PCOLCE: variants seen among roughly 807,000 people sequenced by gnomAD.
PCOLCE encodes the protein procollagen C-endopeptidase enhancer.
A neutral mutation model predicts 47.2 loss-of-function variants in PCOLCE; 33 were observed. The ratio of observed to expected loss-of-function variants is 0.70; its 90% CI spans 0.53 to 0.93. PCOLCE has a LOEUF of 0.93. PCOLCE is among the 40% of genes least tolerant of loss of function. The probability of loss-of-function intolerance (pLI) is 0.00; values close to 1 mark genes in which losing one functional copy is unlikely to be tolerated. For synonymous variants in PCOLCE, 254 were observed against 252.5 expected (o/e 1.01, Z -0.06); for missense variants, 584 against 585.3 (o/e 1.00, Z 0.02).
chr7:100,606,108 C>G (rs1802711888), intron 5 of PCOLCE: 1 of 531,958 alleles, frequency 1.9e-6, no homozygotes, highest in African/African-American at 1.9e-5. Context: ...GCGGGAGGAT[C>G]ACCTGAGCTT....
In PCOLCE at chr7:100,602,399, C is replaced by G; in HGVS notation, c.-58C>G. The G allele has an allele frequency of 8.7e-7, 1 of 1,153,724 alleles. No individual in the cohort carries two copies. Among genetic ancestry groups the G allele is most frequent in the Non-Finnish European group, 1.3e-6 (1 of 765,938 alleles). 71.5% of individuals were successfully genotyped at this position (1,153,724 alleles called of 1,614,324 possible). A position where few individuals can be genotyped will look rare whatever the true frequency, so the allele number is the denominator to read the frequency against. On this transcript the variant is annotated 5_prime_UTR_variant, in exon 1 of 9. Transcript: ENST00000223061. Reference sequence around the variant, plus strand: ...TGCTGCCGCCACCGCTGCTGCTGCTCTGCAAAATTCAGCTGCTGCCTCTGT... The same window carrying G: ...TGCTGCCGCCACCGCTGCTGCTGCTGTGCAAAATTCAGCTGCTGCCTCTGT...
chr7:100,603,169 G>A, intron 1 of PCOLCE: 1 of 383,924 alleles, frequency 2.6e-6, no homozygotes, highest in Non-Finnish European at 4.6e-6. Context: ...GGGAATTCCT[G>A]TTGGGGTGGG....
At position 100,605,953 on chromosome 7, in the gene PCOLCE, C is replaced by A; in HGVS notation, c.725+141C>A. ...CCGGCGAGGGGAGCAGGTTGGAGGCCAGGCAAAGAGGAGATTTGGCCCCGG... is the reference window on the plus strand; with the variant it reads ...CCGGCGAGGGGAGCAGGTTGGAGGCAAGGCAAAGAGGAGATTTGGCCCCGG... On this transcript the variant is annotated intron_variant, in intron 5 of 8. Transcript: ENST00000223061. The surrounding 1 kb of genome is among the most constrained non-coding windows in gnomAD (Gnocchi z 6.1). 1.0e-6 allele frequency: 1 copy of A among 982,202 alleles called. No homozygotes were observed. Among genetic ancestry groups the A allele is most frequent in the Non-Finnish European group, 1.5e-6 (1 of 680,774 alleles). 60.8% of individuals were successfully genotyped at this position (982,202 alleles called of 1,614,324 possible).
At position 100,605,886 on chromosome 7, in the gene PCOLCE, G is replaced by T; in HGVS notation, c.725+74G>T. On this transcript the variant is annotated intron_variant, in intron 5 of 8. Transcript: ENST00000223061. This position sits in a 1 kb window ranked among gnomAD's most constrained non-coding sequence, Gnocchi z 6.1. ...CGCACGCGGCTGTTTGGAGGGGCGG[G>T]GTTCAGCTAAAGGGACGGGATCTGA... The T allele has an allele frequency of 1.4e-6, 2 of 1,481,084 alleles. No individual in the cohort carries two copies. Among genetic ancestry groups the T allele is most frequent in the Non-Finnish European group, 1.8e-6 (2 of 1,093,678 alleles). 91.7% of individuals were successfully genotyped at this position (1,481,084 alleles called of 1,614,324 possible). A position where few individuals can be genotyped will look rare whatever the true frequency, so the allele number is the denominator to read the frequency against.
Position 100,602,412 on chromosome 7 carries a change from C to T in PCOLCE, c.-45C>T. 7.8e-7 allele frequency: 1 copy of T among 1,283,440 alleles called. No individual in the cohort carries two copies. Among genetic ancestry groups the T allele is most frequent in the Non-Finnish European group, 1.1e-6 (1 of 883,516 alleles). 79.5% of individuals were successfully genotyped at this position (1,283,440 alleles called of 1,614,324 possible). On this transcript the variant is annotated 5_prime_UTR_variant, in exon 1 of 9. Transcript: ENST00000223061. ...GCTGCTGCTGCTCTGCAAAATTCAG[C>T]TGCTGCCTCTGTCTTGAGGACCCCA...
chr7:100,607,388 G>T (rs1802735646), intron 6 of PCOLCE, 64 bp from the exon 7 acceptor site: 2 of 1,310,964 alleles, frequency 1.5e-6, no homozygotes, highest in Non-Finnish European at 2.2e-6. Flanking sequence ...CAATGAGGCT[G>T]TTATGGGGAC....
At position 100,603,499 on chromosome 7, in the gene PCOLCE, C is replaced by A. The variant is rs1419954339; in HGVS notation, c.165C>A (p.Asn55Lys). The part of the protein sequence containing the change: ...SGYVASEGFP[N>K]LYPPNKECIW... ...ACGTGGCAAGTGAGGGGTTCCCCAA[C>A]CTCTACCCCCCTAATAAGGAGTGCA... The change falls in exon 2 of 9, where the codon AAC (asparagine) becomes AAA (lysine). Residue 55 changes from asparagine to lysine, a missense_variant. Asn to Lys is a moderately conservative substitution (Grantham distance 94). Coordinates refer to ENST00000223061, the MANE Select transcript of PCOLCE (RefSeq NM_002593.4). 6 of 1,602,186 alleles carry A rather than the reference C, an allele frequency of 3.7e-6. No homozygotes were observed. The highest frequency in any genetic ancestry group is 5.1e-6 in the Non-Finnish European group (6 of 1,172,556).
chr7:100,607,908 A>G (rs1219511392), intron 8 of PCOLCE, 29 bp from the exon 9 acceptor site: 1 of 1,613,312 alleles, frequency 6.2e-7, no homozygotes, highest in Admixed American at 1.7e-5. Flanking sequence ...CAAGAATAAG[A>G]GATCTCAACC....
Position 100,604,588 on chromosome 7 carries a change from T to G in PCOLCE, c.463+371T>G. The G allele has an allele frequency of 2.7e-6, 1 of 376,042 alleles. No homozygotes were observed. The highest frequency in any genetic ancestry group is 5.0e-6 in the Non-Finnish European group (1 of 199,758). The allele number at this position is 376,042 out of a possible 1,614,324, so 23.3% of individuals were successfully genotyped here. On this transcript the variant is annotated intron_variant, in intron 3 of 8. Transcript: ENST00000223061. The surrounding 1 kb of genome is among the most constrained non-coding windows in gnomAD (Gnocchi z 6.4). ...CCCAGGGCTGGGGGGACTAGGTTCC[T>G]CCAACCCCGGGGGGCCCCTACACCC...
chr7:100,604,338 C>A lies in PCOLCE; in HGVS notation c.463+121C>A. On this transcript the variant is annotated intron_variant, in intron 3 of 8. Transcript: ENST00000223061. This position sits in a 1 kb window ranked among gnomAD's most constrained non-coding sequence, Gnocchi z 6.4. The stretch of plus-strand genomic sequence containing the variant: ...CCCCAGTGCCTAGGGCCCCCTACCT[C>A]CCTGACCCATTTTCCTCACTAACCG... 1.2e-6 allele frequency: 1 copy of A among 842,318 alleles called. No homozygotes were observed. The highest frequency in any genetic ancestry group is 1.8e-6 in the Non-Finnish European group (1 of 547,142). The allele number at this position is 842,318 out of a possible 1,614,324, so 52.2% of individuals were successfully genotyped here.
At chr7:100,607,428 A>G (rs762100832) in intron 6 of PCOLCE, 24 bp from the exon 7 acceptor site, 3 of 1,596,082 alleles carry the variant, frequency 1.9e-6, no homozygotes, top group South Asian at 1.1e-5. Context: ...TGAGCAGGTC[A>G]CCCTCCACCC....
chr7:100,605,568 AG>A lies in PCOLCE; in HGVS notation c.589-106del, dbSNP rs1228496260. ...GAACGCCTTCAGGAGGGGGGCCCAGAGGACGCGGGAGGTGGGAGTGGGAGCT... is the reference window on the plus strand; with the variant it reads ...GAACGCCTTCAGGAGGGGGGCCCAGAGACGCGGGAGGTGGGAGTGGGAGCT... On this transcript the variant is annotated intron_variant, in intron 4 of 8. Coordinates refer to ENST00000223061, the MANE Select transcript of PCOLCE (RefSeq NM_002593.4). This position sits in a 1 kb window ranked among gnomAD's most constrained non-coding sequence, Gnocchi z 6.1. 7 of 1,361,516 alleles carry A rather than the reference AG, an allele frequency of 5.1e-6. No homozygotes were observed. The African/African-American group carries it at 8.7e-5, about 17-fold the overall frequency. 84.3% of individuals were successfully genotyped at this position (1,361,516 alleles called of 1,614,324 possible).
In PCOLCE at chr7:100,604,862, C is replaced by G; in HGVS notation, c.464-229C>G. ...GGGGCGTCCAGCCAGTTCCTCCTCC[C>G]GCTTCCACCGCCCGCCAGTGCGCCC... On this transcript the variant is annotated intron_variant, in intron 3 of 8. Coordinates refer to ENST00000223061, the MANE Select transcript of PCOLCE (RefSeq NM_002593.4). The surrounding 1 kb of genome is among the most constrained non-coding windows in gnomAD (Gnocchi z 6.4). 1.9e-6 allele frequency: 1 copy of G among 520,144 alleles called. No homozygotes were observed. The highest frequency in any genetic ancestry group is 3.4e-6 in the Non-Finnish European group (1 of 290,362). The allele number at this position is 520,144 out of a possible 1,614,324, so 32.2% of individuals were successfully genotyped here.
intron 6 of PCOLCE, 106 bp downstream of exon 6, chr7:100,606,736 G>A: frequency 1.2e-6 from 1 of 817,010 alleles, no homozygotes; most frequent in East Asian, 2.7e-5. Flanking sequence ...ATTTTGGGAG[G>A]TCCAGACAGC....
At chr7:100,606,086 T>C in intron 5 of PCOLCE, 3 of 540,262 alleles carry the variant, frequency 5.6e-6, no homozygotes, top group Admixed American at 3.3e-5. Flanking sequence ...CATAGCACTT[T>C]GGGAGGCTGA....
chr7:100,607,090 C>CAAAAAAAAAAAAAAAAAAAAAAAA (rs559618495), intron 6 of PCOLCE, among the ~76,000 whole-genome samples: 6 of 105,246 alleles, frequency 5.7e-5, no homozygotes, highest in African/African-American at 2.3e-4. Context: ...GATTCTGTCT[C>CAAAAAAAAAAAAAAAAAAAAAAAA]AAAAAAAAAA....
Position 100,607,471 on chromosome 7 carries a change from G to A in PCOLCE, c.960G>A (p.Lys320=). Residue 320 remains lysine, a synonymous_variant, in exon 7 of 9, where the codon AAG becomes AAA. Transcript: ENST00000223061. The part of the protein sequence containing the change: ...PSAPDAPTCP[K]QCRRTGTLQS... The stretch of plus-strand genomic sequence containing the variant: ...TCCTAGATGCACCCACCTGCCCAAA[G>A]CAGTGCCGCCGGACAGGCACCTTGC... 6.2e-7 allele frequency: 1 copy of A among 1,614,096 alleles called. No homozygotes were observed. Among genetic ancestry groups the A allele is most frequent in the Non-Finnish European group, 8.5e-7 (1 of 1,180,010 alleles).
rs1200407740 is a variant in PCOLCE at position 100,607,507 on chromosome 7, C to G, written c.996C>G (p.Phe332Leu). 1 of 1,614,128 alleles carries G rather than the reference C, an allele frequency of 6.2e-7. No individual in the cohort carries two copies. Among genetic ancestry groups the G allele is most frequent in the Non-Finnish European group, 8.5e-7 (1 of 1,179,998 alleles). Residue 332 changes from phenylalanine to leucine, a missense_variant, in exon 7 of 9, where the codon TTC becomes TTG. Transcript: ENST00000223061. ...CRRTGTLQSN[F>L]CASSLVVTAT... ...GGACAGGCACCTTGCAGAGCAACTT[C>G]TGTGCCAGCAGCCTTGGTAAGAATA...
At position 100,604,004 on chromosome 7, in the gene PCOLCE, C is replaced by G. The variant is rs1483961210; in HGVS notation, c.250C>G (p.Leu84Val). Residue 84 changes from leucine to valine, a missense_variant, in exon 3 of 9, where the codon CTG becomes GTG. Leu to Val is a conservative substitution (Grantham distance 32). Coordinates refer to ENST00000223061, the MANE Select transcript of PCOLCE (RefSeq NM_002593.4). This position sits in a 1 kb window ranked among gnomAD's most constrained non-coding sequence, Gnocchi z 6.4. ...GTCCCTCTCATTCCGAGTCTTCGAC[C>G]TGGAGCTGCACCCCGCCTGCCGCTA... is the stretch of plus-strand genomic sequence containing the variant. The part of the protein sequence containing the change: ...TVSLSFRVFD[L>V]ELHPACRYDA... 6.2e-7 allele frequency: 1 copy of G among 1,604,364 alleles called. No individual in the cohort carries two copies. Among genetic ancestry groups the G allele is most frequent in the Non-Finnish European group, 8.5e-7 (1 of 1,179,944 alleles).
Sources: allele counts gnomAD v4.1 joint callset (sites outside exome capture counted in the v4.1 genomes callset), GRCh38; gene constraint gnomAD v4.1.1; non-coding constraint Gnocchi (gnomAD v3.1); transcripts MANE v1.5; gene names NCBI Gene and HGNC (gene_info 2026-07-23, HGNC 2026-07-21).